Variants in SCAPER observed in about 807,000 individuals in gnomAD.
The protein encoded by SCAPER is S-phase cyclin A associated protein in the ER.
A neutral mutation model predicts 182.2 loss-of-function variants in SCAPER; 98 were observed. The ratio of observed to expected loss-of-function variants is 0.54; its 90% CI spans 0.46 to 0.64. The LOEUF is 0.64. SCAPER is among the 30% of genes least tolerant of loss of function. The pLI, the probability that SCAPER is intolerant of heterozygous loss-of-function variation, is 0.00. For synonymous variants in SCAPER, 605 were observed against 564.6 expected, an observed-to-expected ratio of 1.07 and a Z score of -1.01; for missense variants, 1,432 against 1,690.0, an observed-to-expected ratio of 0.85 and a Z score of 2.68.
At chr15:76,369,612 A>C (rs1258060339) in intron 29 of SCAPER, among the ~76,000 whole-genome samples, 1 of 152,256 alleles carries the variant, frequency 6.6e-6, no homozygotes, top group African/African-American at 2.4e-5. Flanking sequence ...AGCTAAGGCC[A>C]GTGCTGAAAA....
intron 4 of SCAPER, among the ~76,000 whole-genome samples, chr15:76,845,315 A>C (rs2069953438): frequency 6.6e-6 from 1 of 152,152 alleles, no homozygotes; most frequent in African/African-American, 2.4e-5. Flanking sequence ...TGGAACATGA[A>C]AAGGATACCT....
At chr15:76,676,909 T>C (rs900285285) in intron 20 of SCAPER, among the ~76,000 whole-genome samples, 1 of 151,054 alleles carries the variant, frequency 6.6e-6, no homozygotes, top group Non-Finnish European at 1.5e-5. Context: ...ATAAATATTA[T>C]AAATAATGTT....
At position 76,353,937 on chromosome 15, in the gene SCAPER, T is replaced by G. The variant is rs531612710; in HGVS notation, c.4047+12A>C. 7 of 1,544,936 alleles carry G rather than the reference T, an allele frequency of 4.5e-6. No homozygotes were observed. The Admixed American group carries it at 1.6e-4, about 35-fold the overall frequency. ...CACAAAGCTAGACAATTACGTATAA[T>G]GTAGAAGGTACCTGAATGAAAGTGG... On this transcript the variant is annotated intron_variant, in intron 30 of 31. Coordinates refer to ENST00000563290, the MANE Select transcript of SCAPER (RefSeq NM_020843.4).
chr15:76,734,872 A>ATC lies in SCAPER; in HGVS notation c.1867-1490_1867-1489dup, dbSNP rs201487494. ...AGCCTGGGCGACAAAGTGAGATTCC[A>ATC]TCTCTCTCTCTCTATATATATATAT... On this transcript the variant is annotated intron_variant, in intron 15 of 31. Transcript: ENST00000563290. Among the ~76,000 whole-genome samples, 97 of 151,972 alleles carry ATC rather than the reference A, an allele frequency of 6.4e-4. No individual in the cohort carries two copies. In the East Asian group the frequency reaches 9.5e-3, roughly 15 times the overall value.
At chr15:76,800,431 C>G in intron 6 of SCAPER, 67 bp from the exon 7 acceptor site, 1 of 1,064,700 alleles carries the variant, frequency 9.4e-7, no homozygotes, top group South Asian at 1.4e-5. Flanking sequence ...AATCTTTTCT[C>G]TTGGTTGTTA....
At position 76,765,343 on chromosome 15, in the gene SCAPER, C is replaced by G. The variant is rs1199985636; in HGVS notation, c.1607G>C (p.Arg536Pro). Reference protein sequence around the residue: ...HMHEKLSSPSRKRTIAESKKK... With the variant: ...HMHEKLSSPSPKRTIAESKKK... ...TAATTTTCAAATGCCAGACCTTTTA[C>G]GAGAGGGTGAAGAAAGTTTTTCATG... The change falls in exon 13 of 32, where the codon CGT (arginine) becomes CCT (proline). Residue 536 changes from arginine (R) to proline (P), a missense_variant. By Grantham distance (103) the Arg-to-Pro change is moderately radical (BLOSUM62 -2). Around this residue, in one of 5 missense-constraint regions of SCAPER, gnomAD observed 128 missense variants for 149.9 expected, o/e 0.85. Transcript: ENST00000563290. The G allele has an allele frequency of 6.2e-7, 1 of 1,610,230 alleles. No homozygotes were observed. The highest frequency in any genetic ancestry group is 1.3e-5 in the African/African-American group (1 of 74,752).
chr15:76,652,367 CACACATATAT>C (rs1295625699), intron 21 of SCAPER, among the ~76,000 whole-genome samples: 2 of 23,866 alleles, frequency 8.4e-5, no homozygotes, highest in African/African-American at 2.3e-4. Context: ...CACACACACA[CACACATATAT>C]ATATATATAT....
chr15:76,412,579 G>A (rs1419918088), intron 26 of SCAPER, among the ~76,000 whole-genome samples: 2 of 151,748 alleles, frequency 1.3e-5, no homozygotes, highest in African/African-American at 4.8e-5. Context: ...GTCTATTTCT[G>A]TGCCCTCAAT....
rs924865020 is a variant in SCAPER, at chr15:76,766,826, G to C, written c.1419+92C>G. ...ATTTTTAAATAAATAATTCTAAATA[G>C]GACTAGATGGACTCCAAGTCTTTCT... On this transcript the variant is annotated intron_variant, in intron 11 of 31. Coordinates refer to ENST00000563290, the MANE Select transcript of SCAPER (RefSeq NM_020843.4). 6 of 937,112 alleles carry C rather than the reference G, an allele frequency of 6.4e-6. No homozygotes were observed. In the African/African-American group the frequency reaches 1.0e-4, roughly 16 times the overall value. 58.0% of individuals were successfully genotyped at this position (937,112 alleles called of 1,614,324 possible).
At chr15:76,413,789 GTT>G (rs1389176298) in intron 26 of SCAPER, among the ~76,000 whole-genome samples, 2 of 152,194 alleles carry the variant, frequency 1.3e-5, no homozygotes, top group East Asian at 3.9e-4. Context: ...CCCACCCTGT[GTT>G]GTTTCCGTGG....
At chr15:76,488,714 C>CTTTTTTTTTTTTTTTTTTTTTGT (rs2051927237) in intron 24 of SCAPER, among the ~76,000 whole-genome samples, 1 of 93,144 alleles carries the variant, frequency 1.1e-5, no homozygotes, top group Non-Finnish European at 2.0e-5. Flanking sequence ...AGTACACTGC[C>CTTTTTTTTTTTTTTTTTTTTTGT]TTTTTTTTTT....
intron 20 of SCAPER, among the ~76,000 whole-genome samples, chr15:76,684,354 G>A (rs892411363): frequency 6.6e-6 from 1 of 152,134 alleles, no homozygotes; most frequent in Admixed American, 6.5e-5. Context: ...TCAATGTAAA[G>A]GGATAGAGAA....
At chr15:76,422,415 CTGTT>C (rs2046111425) in intron 26 of SCAPER, among the ~76,000 whole-genome samples, 3 of 152,184 alleles carry the variant, frequency 2.0e-5, no homozygotes, top group South Asian at 2.1e-4. Context: ...AGTTGGCTCT[CTGTT>C]TGTCTGTTAC....
intron 20 of SCAPER, among the ~76,000 whole-genome samples, chr15:76,700,380 C>T (rs1394362042): frequency 2.6e-5 from 4 of 152,190 alleles, no homozygotes; most frequent in African/African-American, 9.6e-5. Flanking sequence ...CTCAAATGTC[C>T]GTGGGGGTCA....
At chr15:76,627,739 T>C (rs2052721192) in intron 21 of SCAPER, among the ~76,000 whole-genome samples, 1 of 152,202 alleles carries the variant, frequency 6.6e-6, no homozygotes, top group African/African-American at 2.4e-5. Flanking sequence ...TTGTGAATAG[T>C]GCTGTAATGA....
intron 23 of SCAPER, among the ~76,000 whole-genome samples, chr15:76,548,116 G>A (rs935901139): frequency 2.5e-4 from 3 of 12,160 alleles, no homozygotes; most frequent in Admixed American, 1.9e-3. Context: ...CCCTTTTCCC[G>A]TTCAGAAAAA....
rs2065252201 is a variant in SCAPER, at chr15:76,795,371, C to T, written c.681G>A (p.Lys227=). Residue 227 remains lysine (K), a synonymous_variant, in exon 8 of 32, where the codon AAG becomes AAA. Transcript: ENST00000563290. ...AAGCAGTAGAGCCTGTATGATGAGC[C>T]TTTACCTTGTCAGCCCAACTGACAC... ...PTGVSWADKV[K]AHHTGSTASS... is the part of the protein sequence containing the mutation. 1 of 1,612,040 alleles carries T rather than the reference C, an allele frequency of 6.2e-7. No homozygotes were observed. Among genetic ancestry groups the T allele is most frequent in the African/African-American group, 1.3e-5 (1 of 74,890 alleles).
At chr15:76,438,789 G>A (rs943844462) in intron 25 of SCAPER, among the ~76,000 whole-genome samples, 5 of 152,222 alleles carry the variant, frequency 3.3e-5, no homozygotes, top group East Asian at 3.9e-4. Context: ...TTCAAGCACC[G>A]AAGCAAATTT....
chr15:76,902,713 C>A (rs150041454), intron 1 of SCAPER, among the ~76,000 whole-genome samples: 1 of 152,114 alleles, frequency 6.6e-6, no homozygotes, highest in African/African-American at 2.4e-5. Flanking sequence ...CATGTGATTC[C>A]CAAAGAAGTT....
Sources: gnomAD v4.1 joint callset for allele counts (sites outside exome capture counted in the v4.1 genomes callset) on GRCh38, gnomAD v4.1.1 for gene constraint, gnomAD v4.1.1 regional missense constraint, MANE v1.5 for transcripts, NCBI Gene and HGNC (gene_info 2026-07-23, HGNC 2026-07-21) for gene names.